Variants in DCC observed in about 807,000 individuals in gnomAD.
DCC encodes the protein DCC netrin 1 receptor.
DCC carries 58 observed loss-of-function variants against 172.5 expected under a neutral mutation model. That is an observed-to-expected ratio of 0.34 (90% CI 0.27 to 0.42). DCC has a LOEUF of 0.42. DCC is among the 10% of genes least tolerant of loss of function. The probability of loss-of-function intolerance (pLI) is 1.00; values close to 1 mark genes in which losing one functional copy is unlikely to be tolerated. For missense variants in DCC, 1,740 were observed against 1,791.0 expected (o/e 0.97, Z 0.51); for synonymous variants, 709 against 644.5 (o/e 1.10, Z -1.52).
At chr18:52,372,289 T>C (rs1985154531) in intron 1 of DCC, among the ~76,000 whole-genome samples, 1 of 152,110 alleles carries the variant, frequency 6.6e-6, no homozygotes, top group South Asian at 2.1e-4. Context: ...TGGGGATTGG[T>C]TGTGTAGTTG....
intron 1 of DCC, among the ~76,000 whole-genome samples, chr18:52,629,258 T>A (rs985895858): frequency 1.3e-5 from 2 of 152,212 alleles, no homozygotes; most frequent in African/African-American, 4.8e-5. Flanking sequence ...TTATATCTGT[T>A]GCATAATTCT....
chr18:53,232,699 C>T (rs201858552), intron 12 of DCC, among the ~76,000 whole-genome samples: 2 of 152,264 alleles, frequency 1.3e-5, no homozygotes, highest in East Asian at 3.9e-4. Flanking sequence ...AATTCTGTGG[C>T]TCAATTATTT....
In DCC at chr18:53,486,835, GCCCAGTA is replaced by G; in HGVS notation, c.3781_3787del (p.Tyr1261GlufsTer39). 6.2e-7 allele frequency: 1 copy of G among 1,614,140 alleles called. No individual in the cohort carries two copies. The highest frequency in any genetic ancestry group is 8.5e-7 in the Non-Finnish European group (1 of 1,180,014). On this transcript the variant is annotated frameshift_variant, in exon 26 of 29. Coordinates refer to ENST00000442544, the MANE Select transcript of DCC (RefSeq NM_005215.4). LOFTEE classifies it high-confidence loss of function. The stretch of plus-strand genomic sequence containing the variant: ...CATCCCGGTGCCAACGCTAGAAAGT[GCCCAGTA>G]CCCAGGAATCCTCCCGTCTCCCACC...
intron 8 of DCC, among the ~76,000 whole-genome samples, chr18:53,166,418 T>C (rs1290876886): frequency 6.6e-6 from 1 of 152,106 alleles, no homozygotes; most frequent in Non-Finnish European, 1.5e-5. Flanking sequence ...TGTCAGCATG[T>C]GGATGCTCGC....
At chr18:52,348,879 A>G (rs1221588774) in intron 1 of DCC, among the ~76,000 whole-genome samples, 1 of 152,188 alleles carries the variant, frequency 6.6e-6, no homozygotes, top group Non-Finnish European at 1.5e-5. Context: ...CTGCCATGTT[A>G]GTATCCTGCC....
intron 14 of DCC, among the ~76,000 whole-genome samples, chr18:53,337,520 C>T (rs2057605183): frequency 6.6e-6 from 1 of 152,124 alleles, no homozygotes; most frequent in East Asian, 1.9e-4. Context: ...TGTGTTTCTG[C>T]TGTTAAGGCT....
intron 1 of DCC, among the ~76,000 whole-genome samples, chr18:52,452,529 C>A (rs1988337169): frequency 6.6e-6 from 1 of 152,196 alleles, no homozygotes; most frequent in Non-Finnish European, 1.5e-5. Flanking sequence ...CCTACTCAGA[C>A]TTAGCAAAAC....
At chr18:53,089,859 A>G (rs970120294) in intron 7 of DCC, among the ~76,000 whole-genome samples, 2 of 152,206 alleles carry the variant, frequency 1.3e-5, no homozygotes, top group African/African-American at 4.8e-5. Flanking sequence ...TGTCACAGGT[A>G]TATTGTATAA....
chr18:52,960,051 A>G (rs1200822094), intron 5 of DCC, among the ~76,000 whole-genome samples: 1 of 152,136 alleles, frequency 6.6e-6, no homozygotes, highest in Non-Finnish European at 1.5e-5. Context: ...TTCTACTAAC[A>G]TGGACTTTAA....
intron 21 of DCC, among the ~76,000 whole-genome samples, chr18:53,417,774 C>T (rs940196036): frequency 6.6e-6 from 1 of 151,980 alleles, no homozygotes; most frequent in Admixed American, 6.6e-5. Flanking sequence ...TGGCTTTCCA[C>T]TTCTCTCTGG....
At chr18:52,713,950 A>G (rs1293488418) in intron 1 of DCC, among the ~76,000 whole-genome samples, 1 of 152,220 alleles carries the variant, frequency 6.6e-6, no homozygotes, top group Non-Finnish European at 1.5e-5. Context: ...TTATGAAGAT[A>G]TAATTGCCTG....
At position 53,099,158 on chromosome 18, in the gene DCC, C is replaced by T. The variant is rs72917380; in HGVS notation, c.1261+32992C>T. 7.5e-3 allele frequency among the ~76,000 whole-genome samples: 1,142 copies of T among 152,098 alleles called. 8 individuals carry two copies. The highest frequency in any genetic ancestry group is 0.013 in the Non-Finnish European group (888 of 67,978). On this transcript the variant is annotated intron_variant, in intron 7 of 28. Coordinates refer to ENST00000442544, the MANE Select transcript of DCC (RefSeq NM_005215.4). ...AAATCAGTTATTACTAATAAGTTGCCAAATGGTAAGTTTCAACTCCTATAG... is the reference window on the plus strand; with the variant it reads ...AAATCAGTTATTACTAATAAGTTGCTAAATGGTAAGTTTCAACTCCTATAG...
chr18:52,700,180 GCACACGCACA>G (rs946643840), intron 1 of DCC, among the ~76,000 whole-genome samples: 8 of 141,630 alleles, frequency 5.6e-5, no homozygotes, highest in Admixed American at 2.8e-4. Context: ...ACACACACAT[GCACACGCACA>G]CACACGCACA....
chr18:52,769,065 C>G (rs560365436), intron 2 of DCC, among the ~76,000 whole-genome samples: 1 of 152,284 alleles, frequency 6.6e-6, no homozygotes, highest in South Asian at 2.1e-4. Flanking sequence ...TAGGTTATTT[C>G]AGGAGAATCC....
intron 1 of DCC, among the ~76,000 whole-genome samples, chr18:52,469,572 C>T (rs1988888049): frequency 6.6e-6 from 1 of 152,100 alleles, no homozygotes; most frequent in Non-Finnish European, 1.5e-5. Context: ...GTCTAATAAA[C>T]ATTGATAATC....
chr18:52,941,079 C>T (rs979774974), intron 5 of DCC: 2 of 152,088 alleles, frequency 1.3e-5, no homozygotes, highest in Non-Finnish European at 2.9e-5. Flanking sequence ...AATCAAATTC[C>T]TGACCATGAA....
chr18:53,207,389 G>C (rs774421050), intron 10 of DCC, among the ~76,000 whole-genome samples: 4 of 152,146 alleles, frequency 2.6e-5, no homozygotes, highest in Non-Finnish European at 5.9e-5. Flanking sequence ...CTGCCTGTGA[G>C]GGTTTAGGTG....
Position 53,038,966 on chromosome 18 carries a change from A to G in DCC, c.986-24339A>G, listed in dbSNP as rs140142493. ...ATTAGAAAAGATGAAATTTCTGGAG[A>G]CACAATTGTGTGTCACCTAATCAGC... On this transcript the variant is annotated intron_variant, in intron 5 of 28. Coordinates refer to ENST00000442544, the MANE Select transcript of DCC (RefSeq NM_005215.4). 6.2e-3 allele frequency among the ~76,000 whole-genome samples: 947 copies of G among 152,078 alleles called. 11 individuals carry two copies. The highest frequency in any genetic ancestry group is 0.016 in the African/African-American group (658 of 41,530).
intron 15 of DCC, among the ~76,000 whole-genome samples, chr18:53,359,260 A>G (rs934013414): frequency 2.6e-5 from 4 of 152,182 alleles, no homozygotes; most frequent in Non-Finnish European, 5.9e-5. Context: ...TTATTCCAAG[A>G]GTCCATGCTG....
Sources: allele counts gnomAD v4.1 joint callset (sites outside exome capture counted in the v4.1 genomes callset), GRCh38; gene constraint gnomAD v4.1.1; transcripts MANE v1.5; gene names NCBI Gene and HGNC (gene_info 2026-07-23, HGNC 2026-07-21).